The following EFCAB6 variants were observed in gnomAD, a reference collection of about 807,000 sequenced individuals.
EFCAB6 encodes EF-hand calcium-binding domain-containing protein 6.
A neutral mutation model predicts 169.8 loss-of-function variants in EFCAB6; 156 were observed. The ratio of observed to expected loss-of-function variants is 0.92; its 90% CI spans 0.81 to 1.05. EFCAB6 has a LOEUF of 1.05. Among genes scored for constraint, EFCAB6 ranks in the 50% least tolerant of loss-of-function variants. EFCAB6 has a pLI of 0.00. For synonymous variants in EFCAB6, 698 were observed against 676.4 expected (o/e 1.03, Z -0.50); for missense variants, 1,800 against 1,829.1 (o/e 0.98, Z 0.29).
At chr22:43,570,894 C>T (rs978244908) in intron 26 of EFCAB6, among the ~76,000 whole-genome samples, 2 of 152,222 alleles carry the variant, frequency 1.3e-5, no homozygotes, top group African/African-American at 4.8e-5. Flanking sequence ...ACAGCAAGAC[C>T]CCTGGACTCC....
At chr22:43,577,462 G>A (rs1259811105) in intron 25 of EFCAB6, among the ~76,000 whole-genome samples, 2 of 152,192 alleles carry the variant, frequency 1.3e-5, no homozygotes, top group East Asian at 3.9e-4. Flanking sequence ...GGTAACATGA[G>A]GTAGCTGTGT....
Position 43,687,538 on chromosome 22 carries a change from G to A in EFCAB6, c.1075C>T (p.Leu359=), listed in dbSNP as rs117407798. Residue 359 remains leucine (L), a synonymous_variant, in exon 11 of 32, where the codon CTA becomes TTA. Coordinates refer to ENST00000262726, the MANE Select transcript of EFCAB6 (RefSeq NM_022785.4). The part of the protein sequence containing the change: ...ATTKINWKQF[L]TSFHEPQGLQ... ...CCCTGAGGCTCATGAAATGATGTTA[G>A]AAATTGCTTCCAATTGATTTTAGTG... 4.2e-4 allele frequency: 679 copies of A among 1,599,936 alleles called. 8 individuals carry two copies. The East Asian group carries it at 0.012, about 27-fold the overall frequency.
At chr22:43,573,302 A>G (rs1602345779) in intron 26 of EFCAB6, among the ~76,000 whole-genome samples, 2 of 152,196 alleles carry the variant, frequency 1.3e-5, no homozygotes, top group African/African-American at 4.8e-5. Flanking sequence ...TTTCATTTCT[A>G]TATGGGCATA....
chr22:43,747,674 T>C (rs1027708631), intron 6 of EFCAB6, among the ~76,000 whole-genome samples: 3 of 152,196 alleles, frequency 2.0e-5, no homozygotes, highest in Admixed American at 6.5e-5. Context: ...ACCCACCCTG[T>C]GCCCTCCTGC....
chr22:43,561,976 C>T (rs962288699), intron 26 of EFCAB6, among the ~76,000 whole-genome samples: 3 of 152,248 alleles, frequency 2.0e-5, no homozygotes. Flanking sequence ...GGGCCCGGTC[C>T]GTGCTGGGCC....
At position 43,537,702 on chromosome 22, in the gene EFCAB6, A is replaced by G. The variant is rs1240222331; in HGVS notation, c.3880-157T>C. 3.9e-5 allele frequency among the ~76,000 whole-genome samples: 6 copies of G among 152,204 alleles called. No individual in the cohort carries two copies. Among genetic ancestry groups the G allele is most frequent in the Non-Finnish European group, 5.9e-5 (4 of 68,034 alleles). On this transcript the variant is annotated intron_variant, in intron 28 of 31. Transcript: ENST00000262726. The surrounding 1 kb of genome is among the most constrained non-coding windows in gnomAD (Gnocchi z 4.3). ...ATAAAACATAGATGGTGATTTTACA[A>G]TGTAGCTTTTATTTCCATTGGTGGG...
chr22:43,721,500 T>C (rs530899161), intron 8 of EFCAB6, among the ~76,000 whole-genome samples: 50 of 152,002 alleles, frequency 3.3e-4, no homozygotes, highest in Non-Finnish European at 6.2e-4. Flanking sequence ...AACTATACTA[T>C]AAGACTATAG....
intron 2 of EFCAB6, among the ~76,000 whole-genome samples, chr22:43,786,659 A>G (rs979601200): frequency 6.6e-6 from 1 of 152,156 alleles, no homozygotes; most frequent in African/African-American, 2.4e-5. Flanking sequence ...GTTTGCACTG[A>G]GCCAAGATCG....
At chr22:43,786,970 A>C (rs2062101515) in intron 2 of EFCAB6, among the ~76,000 whole-genome samples, 1 of 152,148 alleles carries the variant, frequency 6.6e-6, no homozygotes, top group Admixed American at 6.5e-5. Context: ...TAATAATCTC[A>C]CTAAGTGCAG....
chr22:43,803,833 A>G lies in EFCAB6; in HGVS notation c.-8+5162T>C, dbSNP rs149013293. On this transcript the variant is annotated intron_variant, in intron 2 of 31. Transcript: ENST00000262726. ...AGACTAGACCTAATAGGGCTAACTG[A>G]TATTTACAGAACATTTCACCCACTG... Among the ~76,000 whole-genome samples the G allele has an allele frequency of 3.0e-3, 454 of 152,332 alleles. 1 individual carries two copies. The highest frequency in any genetic ancestry group is 0.011 in the African/African-American group (449 of 41,582).
chr22:43,726,276 CAA>C (rs3994547), intron 8 of EFCAB6, among the ~76,000 whole-genome samples: 8,746 of 59,490 alleles, frequency 0.15, 373 homozygotes, highest in East Asian at 0.21. Flanking sequence ...AAAAATTCAC[CAA>C]AAAAAAAAAA....
Position 43,583,938 on chromosome 22 carries a change from T to A in EFCAB6, c.3033-3279A>T, listed in dbSNP as rs537677068. Reference sequence around the variant, plus strand: ...GCAATTGGTGTAATCTACAAGAGAATCTATTTGACACTAAGGCTAGAGGCT... The same window carrying A: ...GCAATTGGTGTAATCTACAAGAGAAACTATTTGACACTAAGGCTAGAGGCT... On this transcript the variant is annotated intron_variant, in intron 24 of 31. Coordinates refer to ENST00000262726, the MANE Select transcript of EFCAB6 (RefSeq NM_022785.4). Among the ~76,000 whole-genome samples, 3 of 152,260 alleles carry A rather than the reference T, an allele frequency of 2.0e-5. No homozygotes were observed. The East Asian group carries it at 5.8e-4, about 29-fold the overall frequency.
At position 43,608,683 on chromosome 22, in the gene EFCAB6, G is replaced by A. The variant is rs890771764; in HGVS notation, c.2563-83C>T. The A allele has an allele frequency of 8.2e-6, 11 of 1,345,662 alleles. No individual in the cohort carries two copies. In the Admixed American group the frequency reaches 8.6e-5, roughly 11 times the overall value. The allele number at this position is 1,345,662 out of a possible 1,614,324, so 83.4% of individuals were successfully genotyped here. On this transcript the variant is annotated intron_variant, in intron 21 of 31. Coordinates refer to ENST00000262726, the MANE Select transcript of EFCAB6 (RefSeq NM_022785.4). Reference sequence around the variant, plus strand: ...AAGATGTTCAATTAGTCAATATGTGGGAAACTCTAAGGCATCTGTATCCCC... The same window carrying A: ...AAGATGTTCAATTAGTCAATATGTGAGAAACTCTAAGGCATCTGTATCCCC...
chr22:43,634,578 C>T (rs2055236662), intron 18 of EFCAB6, among the ~76,000 whole-genome samples: 2 of 150,496 alleles, frequency 1.3e-5, no homozygotes, highest in South Asian at 4.2e-4. Flanking sequence ...GTTTGTCCAC[C>T]AAAATGTCTT....
chr22:43,732,675 C>G (rs906540349), intron 7 of EFCAB6, among the ~76,000 whole-genome samples: 1 of 151,958 alleles, frequency 6.6e-6, no homozygotes, highest in Non-Finnish European at 1.5e-5. Flanking sequence ...CCATGTTGGC[C>G]AGGCTGGTCT....
rs868507732 is a variant in EFCAB6, at chr22:43,588,535, G to A, written c.3032+1539C>T. ...AACTGAGGAAATCTCCCAGAAGGTA[G>A]AAAAAGAGAAAGAAGAAAAAAAGAT... On this transcript the variant is annotated intron_variant, in intron 24 of 31. Coordinates refer to ENST00000262726, the MANE Select transcript of EFCAB6 (RefSeq NM_022785.4). 2.0e-5 allele frequency among the ~76,000 whole-genome samples: 3 copies of A among 151,854 alleles called. No individual in the cohort carries two copies. In the South Asian group the frequency reaches 6.2e-4, roughly 31 times the overall value.
At chr22:43,763,384 T>C (rs1260043150) in intron 5 of EFCAB6, among the ~76,000 whole-genome samples, 1 of 152,092 alleles carries the variant, frequency 6.6e-6, no homozygotes, top group Non-Finnish European at 1.5e-5. Context: ...AACATAACCA[T>C]TTTTAAGTGT....
intron 26 of EFCAB6, among the ~76,000 whole-genome samples, chr22:43,571,345 G>A (rs555184122): frequency 1.1e-4 from 17 of 152,252 alleles, no homozygotes; most frequent in Non-Finnish European, 2.2e-4. Flanking sequence ...CTTGCTTTGC[G>A]GGGAGAGTTG....
At chr22:43,648,428 G>T (rs1480767370) in intron 17 of EFCAB6, among the ~76,000 whole-genome samples, 1 of 152,190 alleles carries the variant, frequency 6.6e-6, no homozygotes, top group African/African-American at 2.4e-5. Flanking sequence ...GCAGCTGGAG[G>T]CCATTATCCT....
Sources: gnomAD v4.1 joint callset for allele counts (sites outside exome capture counted in the v4.1 genomes callset) on GRCh38, gnomAD v4.1.1 for gene constraint, Gnocchi (gnomAD v3.1) non-coding constraint, MANE v1.5 for transcripts, NCBI Gene and HGNC (gene_info 2026-07-23, HGNC 2026-07-21) for gene names.